The following STK3 variants were observed in gnomAD, a reference collection of about 807,000 sequenced individuals.
STK3 encodes serine/threonine-protein kinase 3.
Under a neutral mutation model 58.0 loss-of-function variants are expected in STK3, and 41 were observed. That is an observed-to-expected ratio of 0.71 (90% confidence interval 0.55 to 0.92). STK3 has a LOEUF of 0.92. Among genes scored for constraint, STK3 ranks in the 40% least tolerant of loss-of-function variants. STK3 has a pLI of 0.00. For missense variants in STK3, 479 were observed against 602.7 expected, an observed-to-expected ratio of 0.79 and a Z score of 2.15; for synonymous variants, 170 against 191.0, an observed-to-expected ratio of 0.89 and a Z score of 0.91.
intron 4 of STK3, among the ~76,000 whole-genome samples, chr8:98,717,949 A>G (rs928129393): frequency 2.6e-5 from 4 of 152,200 alleles, no homozygotes; most frequent in African/African-American, 4.8e-5. Context: ...TCGGTCACAA[A>G]AAAAGGCAAC....
chr8:98,610,686 G>A (rs1403530405), intron 6 of STK3, among the ~76,000 whole-genome samples: 1 of 152,172 alleles, frequency 6.6e-6, no homozygotes, highest in African/African-American at 2.4e-5. Flanking sequence ...GGGAATCCTG[G>A]GATCCTGGGT....
chr8:98,905,547 A>C lies in STK3; in HGVS notation c.-78-21713T>G, dbSNP rs2131965707. ...ATCCTCAGCCGCCGTCTTGTCTTCT[A>C]TGTGTACAAAGCCGTAGTTCTTAAT... On this transcript the variant is annotated intron_variant, in intron 1 of 1. Transcript: ENST00000519420. 6.7e-6 allele frequency: 7 copies of C among 1,046,566 alleles called. No homozygotes were observed. The South Asian group carries it at 7.5e-5, about 11-fold the overall frequency. 64.8% of individuals were successfully genotyped at this position (1,046,566 alleles called of 1,614,324 possible). A position where few individuals can be genotyped will look rare whatever the true frequency, so the allele number is the denominator to read the frequency against.
At chr8:98,365,525 C>T in the STK3 span, among the ~76,000 whole-genome samples, 19 of 152,126 alleles carry the variant, frequency 1.2e-4, no homozygotes, top group Non-Finnish European at 2.4e-4. Flanking sequence ...CATGTGCCTG[C>T]CACCACAAAT....
chr8:98,830,812 T>C (rs1835500828), intron 3 of STK3, among the ~76,000 whole-genome samples: 1 of 151,288 alleles, frequency 6.6e-6, no homozygotes, highest in African/African-American at 2.4e-5. Context: ...CTACTAAAAA[T>C]ACAAAAAATT....
chr8:98,753,770 AG>A (rs1830125229), intron 3 of STK3, among the ~76,000 whole-genome samples: 1 of 152,218 alleles, frequency 6.6e-6, no homozygotes, highest in South Asian at 2.1e-4. Flanking sequence ...TTGAAGTCAA[AG>A]GTAGAACAGA....
chr8:98,369,952 A>G (rs1180537349), downstream of STK3, among the ~76,000 whole-genome samples: 1 of 151,950 alleles, frequency 6.6e-6, no homozygotes, highest in Non-Finnish European at 1.5e-5. Flanking sequence ...GCAAAGGTTT[A>G]TGTGTTGTGT....
chr8:98,838,564 G>C (rs940180128), intron 3 of STK3, among the ~76,000 whole-genome samples: 23 of 152,176 alleles, frequency 1.5e-4, no homozygotes, highest in East Asian at 1.3e-3. Flanking sequence ...AGTAGACAGA[G>C]AGAAGCTGCA....
intron 6 of STK3, among the ~76,000 whole-genome samples, chr8:98,634,583 T>C (rs1159746678): frequency 6.6e-6 from 1 of 152,114 alleles, no homozygotes; most frequent in African/African-American, 2.4e-5. Flanking sequence ...ACCAGTTGTT[T>C]CAAATACATA....
intron 4 of STK3, among the ~76,000 whole-genome samples, chr8:98,718,901 T>C (rs1457519060): frequency 1.3e-5 from 2 of 152,216 alleles, no homozygotes; most frequent in Non-Finnish European, 2.9e-5. Context: ...AGTACTGCAC[T>C]AGAAAGGGTC....
At chr8:98,735,889 T>G (rs1003849903) in intron 4 of STK3, among the ~76,000 whole-genome samples, 2 of 152,176 alleles carry the variant, frequency 1.3e-5, no homozygotes, top group Non-Finnish European at 2.9e-5. Flanking sequence ...TAGATCAGAT[T>G]TTGAAGGTCC....
At chr8:98,399,743 A>C (rs1817926012), downstream of STK3, among the ~76,000 whole-genome samples, 1 of 152,232 alleles carries the variant, frequency 6.6e-6, no homozygotes, top group Admixed American at 6.5e-5. Flanking sequence ...CATCTCCAAA[A>C]GGAAGCCAGA....
downstream of STK3, among the ~76,000 whole-genome samples, chr8:98,454,451 G>A (rs898956658): frequency 3.3e-5 from 5 of 152,152 alleles, no homozygotes; most frequent in East Asian, 1.9e-4. Context: ...GGAGCAGGGC[G>A]CCCTGCCAAA....
chr8:98,713,183 G>A (rs1826667631), intron 4 of STK3, among the ~76,000 whole-genome samples: 1 of 152,088 alleles, frequency 6.6e-6, no homozygotes, highest in Non-Finnish European at 1.5e-5. Flanking sequence ...GAGAAAGCAG[G>A]AAAGATCTAA....
At chr8:98,474,252 A>T (rs1318865835) in intron 10 of STK3, among the ~76,000 whole-genome samples, 1 of 152,050 alleles carries the variant, frequency 6.6e-6, no homozygotes. Context: ...GTTTCCTTCT[A>T]TCTTTGCTCC....
rs2131756075 is a variant in STK3 at position 98,825,394 on chromosome 8, G to C, written c.26+121C>G. On this transcript the variant is annotated intron_variant, in intron 1 of 10. Coordinates refer to ENST00000419617, the MANE Select transcript of STK3 (RefSeq NM_006281.4). ...CACTCGGACCCGCCTCCCGACCTCA[G>C]CGCGCCCGGCTCGGGGCCCGGCGGG... 1.3e-5 allele frequency: 12 copies of C among 942,506 alleles called. 1 individual carries two copies. The Middle Eastern group carries it at 1.3e-3, about 99-fold the overall frequency. The allele number at this position is 942,506 out of a possible 1,614,324, so 58.4% of individuals were successfully genotyped here. A position where few individuals can be genotyped will look rare whatever the true frequency, so the allele number is the denominator to read the frequency against.
In STK3 at chr8:98,500,448, G is replaced by T. The variant is rs529712718; in HGVS notation, c.1317+26294C>A. Among the ~76,000 whole-genome samples the T allele has an allele frequency of 2.0e-5, 3 of 152,208 alleles. No homozygotes were observed. In the South Asian group the frequency reaches 6.2e-4, roughly 32 times the overall value. ...TACATAGGTATACATGTGCCATGTT[G>T]GTTTGCTGCTCCCATTAACTTGTCA... On this transcript the variant is annotated intron_variant, in intron 10 of 10. Transcript: ENST00000419617.
intron 10 of STK3, among the ~76,000 whole-genome samples, chr8:98,497,056 G>A (rs909084335): frequency 1.3e-5 from 2 of 151,836 alleles, no homozygotes; most frequent in African/African-American, 4.8e-5. Flanking sequence ...AACTTACTAC[G>A]GAGCTACAGC....
At chr8:98,554,892 C>T (rs1030136877) in intron 8 of STK3, among the ~76,000 whole-genome samples, 1 of 151,512 alleles carries the variant, frequency 6.6e-6, no homozygotes, top group African/African-American at 2.4e-5. Flanking sequence ...TATGTTTTTT[C>T]AAAATTATAT....
Position 98,715,220 on chromosome 8 carries a change from G to A in STK3, c.352-7909C>T, listed in dbSNP as rs1363402564. Among the ~76,000 whole-genome samples the A allele has an allele frequency of 7.9e-5, 12 of 152,160 alleles. No individual in the cohort carries two copies. In the East Asian group the frequency reaches 2.3e-3, roughly 29 times the overall value. On this transcript the variant is annotated intron_variant, in intron 4 of 10. Coordinates refer to ENST00000419617, the MANE Select transcript of STK3 (RefSeq NM_006281.4). ...GCAATACCATTCAGGACATAGGCAT[G>A]GGTAAGGACTTCATGTCTAAAACAC...
Sources: allele counts gnomAD v4.1 joint callset (sites outside exome capture counted in the v4.1 genomes callset), GRCh38; gene constraint gnomAD v4.1.1; transcripts MANE v1.5; gene names NCBI Gene and HGNC (gene_info 2026-07-23, HGNC 2026-07-21).